KCNQ5: variants seen among roughly 807,000 people sequenced by gnomAD.
KCNQ5 encodes the protein potassium voltage-gated channel subfamily KQT member 5.
KCNQ5 carries 30 observed loss-of-function variants against 98.2 expected under a neutral mutation model. That is an observed-to-expected ratio of 0.31 (90% CI 0.23 to 0.41). KCNQ5 has a LOEUF of 0.41. KCNQ5 is among the 10% of genes least tolerant of loss of function. The pLI, the probability that KCNQ5 is intolerant of heterozygous loss-of-function variation, is 1.00. For missense variants in KCNQ5, 835 were observed against 1,182.5 expected (o/e 0.71, Z 4.31); for synonymous variants, 458 against 449.4 (o/e 1.02, Z -0.24).
At chr6:72,758,865 A>T (rs1381151850) in intron 1 of KCNQ5, among the ~76,000 whole-genome samples, 1 of 152,184 alleles carries the variant, frequency 6.6e-6, no homozygotes, top group Non-Finnish European at 1.5e-5. Context: ...TCCTGTCCAG[A>T]GGTCTTACTA....
At chr6:72,788,914 T>C (rs1295049516) in intron 1 of KCNQ5, among the ~76,000 whole-genome samples, 1 of 152,188 alleles carries the variant, frequency 6.6e-6, no homozygotes, top group Non-Finnish European at 1.5e-5. Context: ...ATTTGTTGGT[T>C]TCTCAATAGC....
At chr6:72,697,849 TA>T in intron 1 of KCNQ5, among the ~76,000 whole-genome samples, 1 of 152,356 alleles carries the variant, frequency 6.6e-6, no homozygotes, top group South Asian at 2.1e-4. Context: ...TACATAGATC[TA>T]AATATCAATT....
At chr6:73,156,057 A>T (rs1242428844) in intron 10 of KCNQ5, among the ~76,000 whole-genome samples, 1 of 152,194 alleles carries the variant, frequency 6.6e-6, no homozygotes, top group Non-Finnish European at 1.5e-5. Context: ...CTCTAGTTGG[A>T]TTAAAGGAAT....
At chr6:72,874,650 G>T (rs1778337706) in intron 1 of KCNQ5, among the ~76,000 whole-genome samples, 2 of 152,088 alleles carry the variant, frequency 1.3e-5, no homozygotes, top group African/African-American at 4.8e-5. Flanking sequence ...ATTTTACTGA[G>T]TGCCTGCCAT....
intron 7 of KCNQ5, among the ~76,000 whole-genome samples, chr6:73,120,129 C>T (rs887084020): frequency 1.3e-5 from 2 of 151,766 alleles, no homozygotes; most frequent in Admixed American, 6.6e-5. Flanking sequence ...ACCTGTAGTC[C>T]CAGCTACTCT....
intron 5 of KCNQ5, among the ~76,000 whole-genome samples, chr6:73,096,543 T>A (rs577952964): frequency 6.6e-6 from 1 of 152,290 alleles, no homozygotes; most frequent in African/African-American, 2.4e-5. Flanking sequence ...AGGAGAGGCA[T>A]GATATTCAAA....
chr6:72,901,999 T>G (rs886310167), intron 1 of KCNQ5, among the ~76,000 whole-genome samples: 2 of 152,220 alleles, frequency 1.3e-5, no homozygotes, highest in Non-Finnish European at 2.9e-5. Flanking sequence ...TGTTTTCATT[T>G]GTGTGTATCA....
chr6:73,096,874 C>T (rs1264642762), intron 5 of KCNQ5, among the ~76,000 whole-genome samples: 1 of 151,974 alleles, frequency 6.6e-6, no homozygotes, highest in Non-Finnish European at 1.5e-5. Context: ...GAAACCCTGT[C>T]TCTACTAGAA....
At chr6:72,741,436 C>G (rs1275452515) in intron 1 of KCNQ5, among the ~76,000 whole-genome samples, 1 of 152,068 alleles carries the variant, frequency 6.6e-6, no homozygotes, top group Non-Finnish European at 1.5e-5. Context: ...GTCCCAATGT[C>G]TCGTAGGGCA....
chr6:72,637,030 C>T (rs1326431319), intron 1 of KCNQ5, among the ~76,000 whole-genome samples: 1 of 151,582 alleles, frequency 6.6e-6, no homozygotes, highest in Non-Finnish European at 1.5e-5. Context: ...CACACTGAGA[C>T]CAACACAGGA....
chr6:72,632,383 C>T (rs750526546), intron 1 of KCNQ5, among the ~76,000 whole-genome samples: 20 of 152,070 alleles, frequency 1.3e-4, no homozygotes, highest in Non-Finnish European at 2.5e-4. Flanking sequence ...CCTCGTGATC[C>T]GCCCGCCTCA....
chr6:73,134,238 T>C (rs1021829805), intron 10 of KCNQ5: 1 of 194,108 alleles, frequency 5.2e-6, no homozygotes, highest in African/African-American at 2.3e-5. Context: ...TTTATCATAT[T>C]ATGTAGCAGA....
At chr6:72,994,583 C>T (rs1181320430) in intron 1 of KCNQ5, among the ~76,000 whole-genome samples, 1 of 149,786 alleles carries the variant, frequency 6.7e-6, no homozygotes, top group East Asian at 2.0e-4. Flanking sequence ...GAGATGAACC[C>T]GGTACCTCAG....
At chr6:72,960,440 T>C (rs1208164417) in intron 1 of KCNQ5, among the ~76,000 whole-genome samples, 1 of 152,208 alleles carries the variant, frequency 6.6e-6, no homozygotes, top group Non-Finnish European at 1.5e-5. Flanking sequence ...GTTTTGTTTT[T>C]ATTTTTTGAG....
chr6:72,979,518 G>C (rs1768328226), intron 1 of KCNQ5, among the ~76,000 whole-genome samples: 1 of 152,122 alleles, frequency 6.6e-6, no homozygotes, highest in African/African-American at 2.4e-5. Flanking sequence ...TTCTTGATGG[G>C]GTTGTTTGAT....
chr6:72,808,198 T>G (rs186494361), intron 1 of KCNQ5, among the ~76,000 whole-genome samples: 40 of 152,276 alleles, frequency 2.6e-4, no homozygotes, highest in Admixed American at 5.9e-4. Context: ...GAGTGATACT[T>G]AGGAATATCT....
At chr6:73,032,955 T>C (rs1771218885) in intron 2 of KCNQ5, among the ~76,000 whole-genome samples, 1 of 152,112 alleles carries the variant, frequency 6.6e-6, no homozygotes, top group Non-Finnish European at 1.5e-5. Flanking sequence ...CTGATGCAGA[T>C]GTGACTTACA....
intron 1 of KCNQ5, among the ~76,000 whole-genome samples, chr6:72,738,739 C>A (rs1177980206): frequency 6.6e-6 from 1 of 152,036 alleles, no homozygotes; most frequent in Admixed American, 6.5e-5. Flanking sequence ...TAAGGTATCA[C>A]ATCGTGAAAA....
chr6:73,150,747 T>C (rs1369196980), intron 10 of KCNQ5, among the ~76,000 whole-genome samples: 1 of 151,664 alleles, frequency 6.6e-6, no homozygotes. Context: ...TAAGTGAAAA[T>C]ATACCAATCC....
Sources: gnomAD v4.1 joint callset for allele counts (sites outside exome capture counted in the v4.1 genomes callset) on GRCh38, gnomAD v4.1.1 for gene constraint, MANE v1.5 for transcripts, NCBI Gene and HGNC (gene_info 2026-07-23, HGNC 2026-07-21) for gene names.